The following TSHZ2 variants were observed in gnomAD, a reference collection of about 807,000 sequenced individuals.
The protein encoded by TSHZ2 is teashirt homolog 2.
A neutral mutation model predicts 74.4 loss-of-function variants in TSHZ2; 21 were observed. That is an observed-to-expected ratio of 0.28 (90% CI 0.20 to 0.41). The LOEUF (loss-of-function observed/expected upper bound fraction) is 0.41. TSHZ2 is among the 10% of genes least tolerant of loss of function. The pLI, the probability that TSHZ2 is intolerant of heterozygous loss-of-function variation, is 1.00. For synonymous variants in TSHZ2, 540 were observed against 515.3 expected (o/e 1.05, Z -0.65); for missense variants, 1,244 against 1,293.5 (o/e 0.96, Z 0.59).
At chr20:53,455,883 C>A (rs1012743640) in intron 2 of TSHZ2, among the ~76,000 whole-genome samples, 1 of 151,904 alleles carries the variant, frequency 6.6e-6, no homozygotes, top group African/African-American at 2.4e-5. Flanking sequence ...CTACAAAGGA[C>A]ATGAACTCAT....
In TSHZ2 at chr20:52,988,205, G is replaced by T. The variant is rs16997387; in HGVS notation, c.40+14872G>T. The stretch of plus-strand genomic sequence containing the variant: ...ACCATTTCTTGACCCATATAACAAC[G>T]AAGCCAAAAGGACTAAGCTTGTACC... On this transcript the variant is annotated intron_variant, in intron 1 of 2. Transcript: ENST00000371497. 7.9e-3 allele frequency among the ~76,000 whole-genome samples: 1,199 copies of T among 152,108 alleles called. 23 individuals carry two copies. Among genetic ancestry groups the T allele is most frequent in the African/African-American group, 0.027 (1,136 of 41,498 alleles).
chr20:52,986,880 T>C (rs190782912), intron 1 of TSHZ2, among the ~76,000 whole-genome samples: 2 of 152,180 alleles, frequency 1.3e-5, no homozygotes, highest in Admixed American at 1.3e-4. Flanking sequence ...TAAAGAAATA[T>C]TAAAAAATCA....
At chr20:53,402,906 C>T (rs1270248459) in intron 2 of TSHZ2, among the ~76,000 whole-genome samples, 1 of 152,330 alleles carries the variant, frequency 6.6e-6, no homozygotes, top group South Asian at 2.1e-4. Flanking sequence ...CCACACTGTT[C>T]AGCTCCCAGG....
At chr20:52,997,267 G>GT (rs974126089) in intron 1 of TSHZ2, among the ~76,000 whole-genome samples, 47 of 150,802 alleles carry the variant, frequency 3.1e-4, no homozygotes, top group Admixed American at 2.0e-4. Flanking sequence ...CCCGGGGGGG[G>GT]GTTCAGCACT....
At chr20:53,165,071 G>T (rs1376598736) in intron 1 of TSHZ2, among the ~76,000 whole-genome samples, 1 of 152,120 alleles carries the variant, frequency 6.6e-6, no homozygotes, top group Non-Finnish European at 1.5e-5. Context: ...ATGAGTCGAT[G>T]GATAGATGAG....
chr20:53,234,270 TG>T (rs1989890222), intron 1 of TSHZ2, among the ~76,000 whole-genome samples: 2 of 152,132 alleles, frequency 1.3e-5, no homozygotes, highest in South Asian at 4.1e-4. Context: ...TTCTGGTGAG[TG>T]GGTAAGTTTT....
chr20:53,332,736 T>C (rs1377007352), intron 2 of TSHZ2, among the ~76,000 whole-genome samples: 2 of 152,198 alleles, frequency 1.3e-5, no homozygotes, highest in African/African-American at 2.4e-5. Context: ...TTTTCTTGTG[T>C]AGTTTGCACT....
chr20:52,984,247 A>T (rs1169816376), intron 1 of TSHZ2, among the ~76,000 whole-genome samples: 1 of 152,108 alleles, frequency 6.6e-6, no homozygotes, highest in Admixed American at 6.5e-5. Flanking sequence ...CATCCGAATG[A>T]CAAAGTGCCT....
intron 2 of TSHZ2, among the ~76,000 whole-genome samples, chr20:53,471,248 A>ATACTT (rs1985790300): frequency 6.6e-6 from 1 of 152,162 alleles, no homozygotes; most frequent in Non-Finnish European, 1.5e-5. Context: ...TTAGTGATAA[A>ATACTT]TACTTTAAAA....
intron 1 of TSHZ2, among the ~76,000 whole-genome samples, chr20:53,211,392 A>C (rs1989300425): frequency 2.0e-5 from 3 of 152,188 alleles, no homozygotes; most frequent in Non-Finnish European, 4.4e-5. Flanking sequence ...GGCTCAGGAA[A>C]CTTTCAGAAA....
intron 1 of TSHZ2, among the ~76,000 whole-genome samples, chr20:53,038,908 G>GTTTTTTTTT (rs1555817877): frequency 1.4e-5 from 2 of 148,004 alleles, no homozygotes; most frequent in African/African-American, 5.1e-5. Context: ...TTGTTTGTTT[G>GTTTTTTTTT]TTTTTGAGAT....
At chr20:53,106,773 A>G (rs1440715199) in intron 1 of TSHZ2, among the ~76,000 whole-genome samples, 8 of 121,448 alleles carry the variant, frequency 6.6e-5, no homozygotes, top group African/African-American at 1.9e-4. Context: ...TCTTGGCTCA[A>G]TGCAACCTCC....
At chr20:53,300,836 A>G (rs749109641) in intron 2 of TSHZ2, among the ~76,000 whole-genome samples, 1 of 152,236 alleles carries the variant, frequency 6.6e-6, no homozygotes, top group Non-Finnish European at 1.5e-5. Flanking sequence ...AGGGGTCGCA[A>G]TTGGCAATGT....
intron 1 of TSHZ2, among the ~76,000 whole-genome samples, chr20:52,985,307 C>A (rs1195882074): frequency 1.3e-5 from 2 of 152,118 alleles, no homozygotes; most frequent in Admixed American, 6.5e-5. Flanking sequence ...GGACTCATTT[C>A]ATAGGTTTTT....
At chr20:53,468,005 G>A (rs1985612823) in intron 2 of TSHZ2, among the ~76,000 whole-genome samples, 1 of 151,824 alleles carries the variant, frequency 6.6e-6, no homozygotes, top group Non-Finnish European at 1.5e-5. Context: ...CATTCTTTCT[G>A]TAAAAGAAAA....
At chr20:53,213,940 C>T (rs1989374272) in intron 1 of TSHZ2, among the ~76,000 whole-genome samples, 1 of 152,110 alleles carries the variant, frequency 6.6e-6, no homozygotes, top group African/African-American at 2.4e-5. Flanking sequence ...TCCTGAGTGC[C>T]TCTTCAATAT....
intron 1 of TSHZ2, among the ~76,000 whole-genome samples, chr20:53,135,239 G>A (rs970991006): frequency 6.6e-6 from 1 of 152,144 alleles, no homozygotes; most frequent in Non-Finnish European, 1.5e-5. Context: ...GACAACAACA[G>A]TGAGGACCCA....
At chr20:53,139,670 G>T (rs369078479) in intron 1 of TSHZ2, among the ~76,000 whole-genome samples, 7 of 152,160 alleles carry the variant, frequency 4.6e-5, no homozygotes, top group Admixed American at 1.3e-4. Context: ...ACATGGCAAG[G>T]CCTCAAAAGT....
chr20:52,997,259 C>CGGGG (rs141577108), intron 1 of TSHZ2, among the ~76,000 whole-genome samples: 18 of 149,008 alleles, frequency 1.2e-4, no homozygotes, highest in Non-Finnish European at 1.8e-4. Flanking sequence ...CATCTTGCCC[C>CGGGG]GGGGGGGGGT....
Sources: gnomAD v4.1 joint callset for allele counts (sites outside exome capture counted in the v4.1 genomes callset) on GRCh38, gnomAD v4.1.1 for gene constraint, MANE v1.5 for transcripts, NCBI Gene and HGNC (gene_info 2026-07-23, HGNC 2026-07-21) for gene names.